Variants in CHRNB1 observed in about 807,000 individuals in gnomAD.
CHRNB1 encodes cholinergic receptor nicotinic beta 1 subunit.
Under a neutral mutation model 53.8 loss-of-function variants are expected in CHRNB1, and 47 were observed. The ratio of observed to expected loss-of-function variants is 0.87; its 90% CI spans 0.69 to 1.11. The LOEUF (loss-of-function observed/expected upper bound fraction) is 1.11, where lower values mean the gene tolerates loss of function less well. Ranked by LOEUF, CHRNB1 falls within the 50% of genes most tolerant of loss-of-function variation. The pLI, the probability that CHRNB1 is intolerant of heterozygous loss-of-function variation, is 0.00. For synonymous variants in CHRNB1, 259 were observed against 263.5 expected (o/e 0.98, Z 0.16); for missense variants, 605 against 654.9 (o/e 0.92, Z 0.83).
chr17:7,456,031 T>G (rs2069947010), intron 10 of CHRNB1, 90 bp downstream of exon 10: 3 of 1,197,354 alleles, frequency 2.5e-6, no homozygotes, highest in South Asian at 2.8e-5. Flanking sequence ...TCGTTTTTTT[T>G]GTGTGGTTTT....
At chr17:7,455,492 G>A (rs767883007) in intron 9 of CHRNB1, 36 bp downstream of exon 9, 1 of 1,610,670 alleles carries the variant, frequency 6.2e-7, no homozygotes, top group Non-Finnish European at 8.5e-7. Context: ...AAGAGGGAGA[G>A]GGAGAACTAC....
rs113919566 is a variant in CHRNB1 at position 7,456,476 on chromosome 17, T to G, written c.1366-107T>G. On this transcript the variant is annotated intron_variant, in intron 10 of 10. Coordinates refer to ENST00000306071, the MANE Select transcript of CHRNB1 (RefSeq NM_000747.3). The stretch of plus-strand genomic sequence containing the variant: ...CCTGTTGGCGCTGCCGGCTGTTGCC[T>G]CAAACCAGTGGTAGGAGGACTCAAG... 6,503 of 1,483,640 alleles carry G rather than the reference T, an allele frequency of 4.4e-3. 222 individuals carry two copies. In the African/African-American group the frequency reaches 0.077, roughly 18 times the overall value. 91.9% of individuals were successfully genotyped at this position (1,483,640 alleles called of 1,614,324 possible).
At chr17:7,447,770 T>C in intron 6 of CHRNB1, 120 bp downstream of exon 6, 1 of 1,212,224 alleles carries the variant, frequency 8.2e-7, no homozygotes, top group Non-Finnish European at 1.2e-6. Flanking sequence ...TGGGTATGGC[T>C]ATCTACATTT....
chr17:7,453,350 C>T (rs2150841867), intron 7 of CHRNB1, among the ~76,000 whole-genome samples: 1 of 152,202 alleles, frequency 6.6e-6, no homozygotes, highest in East Asian at 1.9e-4. Flanking sequence ...AACCCCTGAC[C>T]TCAGGTGATT....
intron 7 of CHRNB1, 32 bp downstream of exon 7, chr17:7,448,820 T>C: frequency 6.2e-7 from 1 of 1,601,804 alleles, no homozygotes; most frequent in Non-Finnish European, 8.6e-7. Flanking sequence ...TACTCTTTTG[T>C]CATTGGCTCA....
chr17:7,445,934 G>T lies in CHRNB1; in HGVS notation c.199-135G>T. ...AGGTCTTAAACTAACGCCGCTTCTG[G>T]GAGGTGGACTTGGACCCGAGAGGAT... On this transcript the variant is annotated intron_variant, in intron 2 of 10. Transcript: ENST00000306071. The surrounding 1 kb of genome is among the most constrained non-coding windows in gnomAD (Gnocchi z 5.7). The T allele has an allele frequency of 1.3e-6, 1 of 786,332 alleles. No homozygotes were observed. The allele number at this position is 786,332 out of a possible 1,614,324, so 48.7% of individuals were successfully genotyped here.
chr17:7,447,937 T>C (rs957424027), intron 6 of CHRNB1, among the ~76,000 whole-genome samples: 1 of 151,200 alleles, frequency 6.6e-6, no homozygotes, highest in African/African-American at 2.4e-5. Flanking sequence ...TAGCCAGTCA[T>C]GGTGGCAGAT....
Position 7,454,346 on chromosome 17 carries a change from C to T in CHRNB1, c.870C>T (p.Phe290=). The change falls in exon 8 of 11, where the codon TTC becomes TTT. Residue 290 remains phenylalanine, a synonymous_variant. Transcript: ENST00000306071. The part of the protein sequence containing the change: ...SIFALLTLTV[F]LLLLADKVPE... ...TTGCCCTGCTGACCCTTACTGTGTT[C>T]CTGCTGCTGCTGGCTGACAAAGTAC... The T allele has an allele frequency of 6.2e-7, 1 of 1,614,174 alleles. No homozygotes were observed. The highest frequency in any genetic ancestry group is 8.5e-7 in the Non-Finnish European group (1 of 1,180,020).
rs1427731200 is a variant in CHRNB1 at position 7,457,186 on chromosome 17, A to G, written c.*463A>G. 5 of 185,442 alleles carry G rather than the reference A, an allele frequency of 2.7e-5. No homozygotes were observed. Among genetic ancestry groups the G allele is most frequent in the Non-Finnish European group, 5.8e-5 (5 of 86,432 alleles). The allele number at this position is 185,442 out of a possible 1,614,324, so 11.5% of individuals were successfully genotyped here. A position where few individuals can be genotyped will look rare whatever the true frequency, so the allele number is the denominator to read the frequency against. On this transcript the variant is annotated 3_prime_UTR_variant, in exon 11 of 11. Transcript: ENST00000306071. ...TACAAAATTAGCCAGGTGTGGTGGTACATGCCTGTAATCCCAGCTACTAGG... is the reference window on the plus strand; with the variant it reads ...TACAAAATTAGCCAGGTGTGGTGGTGCATGCCTGTAATCCCAGCTACTAGG...
At chr17:7,455,224 GT>G in intron 8 of CHRNB1, 59 bp from the exon 9 acceptor site, 1 of 1,603,124 alleles carries the variant, frequency 6.2e-7, no homozygotes, top group Non-Finnish European at 8.5e-7. Context: ...GTGGTTGGCT[GT>G]TTCCCTTCTG....
Position 7,445,376 on chromosome 17 carries a change from C to G in CHRNB1, c.165C>G (p.Ser55Arg), listed in dbSNP as rs769579645. The change falls in exon 2 of 11, where the codon AGC becomes AGG. Residue 55 changes from serine to arginine, a missense_variant. Coordinates refer to ENST00000306071, the MANE Select transcript of CHRNB1 (RefSeq NM_000747.3). This position sits in a 1 kb window ranked among gnomAD's most constrained non-coding sequence, Gnocchi z 5.7. ...AGGTGGGAGACCGTGTCAGGGTCAGCGTTGGTCTCATCCTGGCGCAACTCA... is the reference window on the plus strand; with the variant it reads ...AGGTGGGAGACCGTGTCAGGGTCAGGGTTGGTCTCATCCTGGCGCAACTCA... ...AREVGDRVRV[S>R]VGLILAQLIS... The G allele has an allele frequency of 1.9e-6, 3 of 1,612,600 alleles. No individual in the cohort carries two copies. The highest frequency in any genetic ancestry group is 3.3e-5 in the Admixed American group (2 of 59,962).
chr17:7,446,565 A>C, intron 3 of CHRNB1: 1 of 562,100 alleles, frequency 1.8e-6, no homozygotes, highest in Non-Finnish European at 3.2e-6. Context: ...TGCGAACTGC[A>C]GTTTGAAAAC....
In CHRNB1 at chr17:7,445,306, A is replaced by G. The variant is rs17856697; in HGVS notation, c.95A>G (p.Glu32Gly). The change falls in exon 2 of 11, where the codon GAG (glutamate) becomes GGG (glycine). Residue 32 changes from glutamate to glycine, a missense_variant. Glu to Gly is a moderately conservative substitution (Grantham distance 98). Transcript: ENST00000306071. The surrounding 1 kb of genome is among the most constrained non-coding windows in gnomAD (Gnocchi z 5.7). ...TCGGAGGCGGAGGGTCGACTCCGGG[A>G]GAAACTTTTCTCTGGCTATGATAGC... ...RGSEAEGRLR[E>G]KLFSGYDSSV... 514,968 of 1,612,188 alleles carry G rather than the reference A, an allele frequency of 0.32. 91,748 individuals carry two copies. The highest frequency in any genetic ancestry group is 0.37 in the Non-Finnish European group (439,224 of 1,179,382).
intron 7 of CHRNB1, among the ~76,000 whole-genome samples, chr17:7,453,768 C>G (rs1486761789): frequency 6.9e-6 from 1 of 144,522 alleles, no homozygotes; most frequent in Non-Finnish European, 1.5e-5. Context: ...TTTTTTTTTT[C>G]TTTTTGTAGA....
rs1377352531 is a variant in CHRNB1 at position 7,455,378 on chromosome 17, G to C, written c.1139G>C (p.Gly380Ala). The change falls in exon 9 of 11, where the codon GGA becomes GCA. Residue 380 changes from glycine (G) to alanine (A), a missense_variant. Transcript: ENST00000306071. ...MPEPPHCSSP[G>A]SGWGRGTDEY... ...GAGCCCCCTCACTGTTCTTCTCCAG[G>C]AAGTGGCTGGGGTCGGGGAACAGAT... 1.2e-6 allele frequency: 2 copies of C among 1,614,150 alleles called. No individual in the cohort carries two copies. The highest frequency in any genetic ancestry group is 1.7e-6 in the Non-Finnish European group (2 of 1,180,022).
intron 8 of CHRNB1, 21 bp from the exon 9 acceptor site, chr17:7,455,263 T>C (rs369840537): frequency 3.1e-6 from 5 of 1,613,734 alleles, no homozygotes; most frequent in African/African-American, 1.3e-5. Flanking sequence ...CCCCCACCAA[T>C]ACGCCTCTTC....
intron 3 of CHRNB1, 168 bp downstream of exon 3, chr17:7,446,281 C>G (rs1165152211): frequency 4.5e-6 from 3 of 662,202 alleles, no homozygotes; most frequent in Non-Finnish European, 8.1e-6. Context: ...GAGTTACACC[C>G]CATGCATTTT....
rs542367848 is a variant in CHRNB1, at chr17:7,450,409, C to T, written c.820+1621C>T. Among the ~76,000 whole-genome samples the T allele has an allele frequency of 5.0e-4, 76 of 152,236 alleles. 1 individual carries two copies. The highest frequency in any genetic ancestry group is 1.7e-3 in the African/African-American group (71 of 41,532). ...CCACCTGCCTCAGCCTCCCAAAGTG[C>T]TAGGATTATAGGCATCAGCCACCAC... On this transcript the variant is annotated intron_variant, in intron 7 of 10. Transcript: ENST00000306071.
chr17:7,447,706 A>G, intron 6 of CHRNB1, 56 bp downstream of exon 6: 1 of 1,601,024 alleles, frequency 6.2e-7, no homozygotes, highest in Non-Finnish European at 8.6e-7. Context: ...CTTCTAACAG[A>G]CTCATAAATA....
Sources: gnomAD v4.1 joint callset for allele counts (sites outside exome capture counted in the v4.1 genomes callset) on GRCh38, gnomAD v4.1.1 for gene constraint, Gnocchi (gnomAD v3.1) non-coding constraint, MANE v1.5 for transcripts, NCBI Gene and HGNC (gene_info 2026-07-23, HGNC 2026-07-21) for gene names.